MARCO: variants seen among roughly 807,000 people sequenced by gnomAD.
MARCO encodes macrophage receptor with collagenous structure.
Under a neutral mutation model 70.0 loss-of-function variants are expected in MARCO, and 72 were observed. The ratio of observed to expected loss-of-function variants is 1.03; its 90% CI spans 0.85 to 1.25. The LOEUF is 1.25. Ranked by LOEUF, MARCO falls within the 50% of genes most tolerant of loss-of-function variation. MARCO has a pLI of 0.00. For missense variants in MARCO, 696 were observed against 659.3 expected (o/e 1.06, Z -0.61); for synonymous variants, 273 against 243.1 (o/e 1.12, Z -1.14).
rs78198921 is a variant in MARCO at position 118,991,570 on chromosome 2, C to G, written c.1109-207C>G. Reference sequence around the variant, plus strand: ...GTGGAATACCACCAGCTATTTTAGCCTGCCTGTTCTCGACAGCATTTACCT... The same window carrying G: ...GTGGAATACCACCAGCTATTTTAGCGTGCCTGTTCTCGACAGCATTTACCT... On this transcript the variant is annotated intron_variant, in intron 13 of 16. Transcript: ENST00000327097. Among the ~76,000 whole-genome samples, 1,481 of 152,354 alleles carry G rather than the reference C, an allele frequency of 9.7e-3. 12 individuals carry two copies. The highest frequency in any genetic ancestry group is 0.016 in the Non-Finnish European group (1,071 of 68,022).
intron 1 of MARCO, among the ~76,000 whole-genome samples, chr2:118,945,127 A>G (rs1183393865): frequency 1.3e-5 from 2 of 152,138 alleles, no homozygotes; most frequent in Admixed American, 1.3e-4. Context: ...ACAGAATCCC[A>G]GGTCTCTCCT....
Position 118,990,569 on chromosome 2 carries a change from C to CGGGGGGGGTGTG in MARCO, c.1064-20_1064-19insGGGGGGGGTGTG. 1 of 1,415,986 alleles carries CGGGGGGGGTGTG rather than the reference C, an allele frequency of 7.1e-7. No homozygotes were observed. Among genetic ancestry groups the CGGGGGGGGTGTG allele is most frequent in the Non-Finnish European group, 9.7e-7 (1 of 1,028,340 alleles). 87.7% of individuals were successfully genotyped at this position (1,415,986 alleles called of 1,614,324 possible). ...AGTTTTATTATCTCCTCCCCCCCCC[C>CGGGGGGGGTGTG]TTTTTTGTTTTGATCTTAGGACTTC... On this transcript the variant is annotated intron_variant, in intron 12 of 16. Transcript: ENST00000327097.
chr2:118,962,649 T>TC (rs1355748999), intron 1 of MARCO, among the ~76,000 whole-genome samples: 3 of 152,186 alleles, frequency 2.0e-5, no homozygotes, highest in Non-Finnish European at 2.9e-5. Flanking sequence ...TAGAAAGTGT[T>TC]TCTTCCTTTT....
At chr2:118,974,708 A>T (rs1412359315) in intron 6 of MARCO, 143 bp downstream of exon 6, 1 of 815,536 alleles carries the variant, frequency 1.2e-6, no homozygotes, top group Non-Finnish European at 1.9e-6. Flanking sequence ...GAGACCCCAG[A>T]GGGGATGAGA....
intron 12 of MARCO, among the ~76,000 whole-genome samples, chr2:118,987,530 A>G (rs1680540034): frequency 6.6e-6 from 1 of 152,238 alleles, no homozygotes; most frequent in Admixed American, 6.5e-5. Flanking sequence ...CCTCTGCTAT[A>G]GGAACTGTGG....
At chr2:118,992,684 CCCTT>C (rs927556060) in intron 15 of MARCO, among the ~76,000 whole-genome samples, 10 of 151,666 alleles carry the variant, frequency 6.6e-5, no homozygotes, top group African/African-American at 2.2e-4. Flanking sequence ...TTCCTTCTCT[CCCTT>C]CCTTCCCCCT....
chr2:118,975,913 C>T (rs1680273713), intron 6 of MARCO, among the ~76,000 whole-genome samples: 1 of 151,982 alleles, frequency 6.6e-6, no homozygotes, highest in Non-Finnish European at 1.5e-5. Context: ...CATTCGCACC[C>T]CCCATGCACA....
intron 1 of MARCO, among the ~76,000 whole-genome samples, chr2:118,957,481 A>T (rs1053403314): frequency 2.6e-5 from 4 of 152,086 alleles, no homozygotes; most frequent in Admixed American, 6.5e-5. Context: ...AAGCAGCGAG[A>T]TTGTTTGGTA....
chr2:118,990,218 A>C (rs1352102614), intron 12 of MARCO, among the ~76,000 whole-genome samples: 1 of 152,214 alleles, frequency 6.6e-6, no homozygotes, highest in African/African-American at 2.4e-5. Flanking sequence ...TTTAGCAATA[A>C]AGATAACTTT....
chr2:118,953,533 G>C (rs1448443561), intron 1 of MARCO, among the ~76,000 whole-genome samples: 5 of 152,188 alleles, frequency 3.3e-5, no homozygotes, highest in Non-Finnish European at 7.3e-5. Context: ...CATTCGAAAA[G>C]TTTTCTGGAG....
At chr2:118,977,405 G>A in intron 6 of MARCO, 66 bp from the exon 7 acceptor site, 1 of 1,278,422 alleles carries the variant, frequency 7.8e-7, no homozygotes, top group Non-Finnish European at 1.1e-6. Context: ...TAGAATGTCA[G>A]CTGATTAAAG....
At chr2:118,981,325 A>T in intron 8 of MARCO, 84 bp from the exon 9 acceptor site, 1 of 867,586 alleles carries the variant, frequency 1.2e-6, no homozygotes, top group Non-Finnish European at 1.8e-6. Flanking sequence ...TTGGGATTTC[A>T]GTGGAATGGG....
rs968494663 is a variant in MARCO at position 118,982,272 on chromosome 2, A to G, written c.1000+18A>G. ...GCGAGCAGGTGAGGTCCTGGGTCCT[A>G]TGGTGGGCACAGGGAGTGATGTGTG... On this transcript the variant is annotated intron_variant, in intron 11 of 16. Coordinates refer to ENST00000327097, the MANE Select transcript of MARCO (RefSeq NM_006770.4). 1.2e-6 allele frequency: 2 copies of G among 1,611,468 alleles called. No homozygotes were observed. The highest frequency in any genetic ancestry group is 1.7e-6 in the Non-Finnish European group (2 of 1,177,856).
In MARCO at chr2:118,982,144, C is replaced by T. The variant is rs1680404390; in HGVS notation, c.902-12C>T. 6.3e-7 allele frequency: 1 copy of T among 1,598,512 alleles called. No homozygotes were observed. Among genetic ancestry groups the T allele is most frequent in the South Asian group, 1.1e-5 (1 of 90,370 alleles). On this transcript the variant is annotated splice_polypyrimidine_tract_variant and intron_variant, in intron 10 of 16. Transcript: ENST00000327097. The stretch of plus-strand genomic sequence containing the variant: ...AACCACCACAGCCTGGCAGTCACTA[C>T]TTTCCTTTCAGGACAACCTGGACTG...
chr2:118,990,761 A>ACTTT, intron 13 of MARCO, 128 bp downstream of exon 13: 1 of 876,334 alleles, frequency 1.1e-6, no homozygotes, highest in Non-Finnish European at 1.8e-6. Context: ...TTAAGACTCC[A>ACTTT]GGGCTCTGTC....
chr2:118,981,162 G>A (rs6713882), intron 8 of MARCO, among the ~76,000 whole-genome samples: 7,974 of 152,118 alleles, frequency 0.052, 687 homozygotes, highest in African/African-American at 0.18. Flanking sequence ...AAGGGGACCA[G>A]GGCTTTCTGT....
At chr2:118,978,061 T>C (rs993986795) in intron 8 of MARCO, 126 bp downstream of exon 8, 3 of 590,262 alleles carry the variant, frequency 5.1e-6, no homozygotes, top group Admixed American at 5.9e-5. Flanking sequence ...TATGGGAATC[T>C]CTGGAGCACC....
intron 12 of MARCO, among the ~76,000 whole-genome samples, chr2:118,986,665 G>GAAAAA (rs1680504691): frequency 4.7e-5 from 2 of 42,788 alleles, no homozygotes; most frequent in African/African-American, 2.9e-4. Context: ...AGGAAGGAAG[G>GAAAAA]AAGGAAGGAA....
intron 1 of MARCO, among the ~76,000 whole-genome samples, chr2:118,955,617 G>A (rs564582342): frequency 2.0e-4 from 30 of 152,218 alleles, no homozygotes; most frequent in South Asian, 1.0e-3. Context: ...TGGGAAATTC[G>A]TTGCAAAAAG....
Sources: allele counts gnomAD v4.1 joint callset (sites outside exome capture counted in the v4.1 genomes callset), GRCh38; gene constraint gnomAD v4.1.1; transcripts MANE v1.5; gene names NCBI Gene and HGNC (gene_info 2026-07-23, HGNC 2026-07-21).